Variants in CTTNBP2 observed in about 807,000 individuals in gnomAD.
The protein encoded by CTTNBP2 is cortactin-binding protein 2.
Under a neutral mutation model 156.9 loss-of-function variants are expected in CTTNBP2, and 108 were observed. The observed-to-expected ratio is 0.69, with a 90% confidence interval of 0.59 to 0.81. The LOEUF (loss-of-function observed/expected upper bound fraction) is 0.81. Ranked by LOEUF, CTTNBP2 falls within the 30% of genes least tolerant of loss-of-function variation. The pLI, the probability that CTTNBP2 is intolerant of heterozygous loss-of-function variation, is 0.00. For synonymous variants in CTTNBP2, 767 were observed against 751.8 expected, an observed-to-expected ratio of 1.02 and a Z score of -0.33; for missense variants, 1,924 against 2,035.4, an observed-to-expected ratio of 0.95 and a Z score of 1.05.
chr7:117,858,324 C>G (rs533094101), intron 2 of CTTNBP2, among the ~76,000 whole-genome samples: 1 of 152,200 alleles, frequency 6.6e-6, no homozygotes, highest in African/African-American at 2.4e-5. Flanking sequence ...GAGCCGAGAT[C>G]GCACCACTGC....
rs750152818 is a variant in CTTNBP2, at chr7:117,792,357, G to C, written c.839C>G (p.Ser280Cys). The C allele has an allele frequency of 6.8e-6, 11 of 1,614,070 alleles. No homozygotes were observed. Among genetic ancestry groups the C allele is most frequent in the African/African-American group, 5.3e-5 (4 of 74,924 alleles). The change falls in exon 4 of 23, where the codon TCT (serine) becomes TGT (cysteine). Residue 280 changes from serine (S) to cysteine (C), a missense_variant. Physicochemically the swap from Ser to Cys is moderately radical, Grantham distance 112. Coordinates refer to ENST00000160373, the MANE Select transcript of CTTNBP2 (RefSeq NM_033427.3). The surrounding 1 kb of genome is among the most constrained non-coding windows in gnomAD (Gnocchi z 4.2). The part of the protein sequence containing the change: ...KRGSDSKPSL[S>C]LPRKTKDRRL... ...CCTATCTTTTGTCTTCCGTGGAAGA[G>C]AGAGGCTTGGTTTGCTGTCACTTCC...
At chr7:117,866,936 C>T (rs1804240886) in intron 1 of CTTNBP2, among the ~76,000 whole-genome samples, 2 of 152,094 alleles carry the variant, frequency 1.3e-5, no homozygotes, top group Admixed American at 1.3e-4. Context: ...AAGATTTATG[C>T]TTTGGGGATG....
intron 2 of CTTNBP2, among the ~76,000 whole-genome samples, chr7:117,858,647 G>A (rs987582480): frequency 2.6e-5 from 4 of 152,210 alleles, no homozygotes; most frequent in East Asian, 3.8e-4. Context: ...TAGGGAGGCA[G>A]AGAAAAGATG....
At chr7:117,736,975 T>C (rs35683365) in intron 14 of CTTNBP2, among the ~76,000 whole-genome samples, 5,775 of 152,248 alleles carry the variant, frequency 0.038, 154 homozygotes, top group African/African-American at 0.053. Flanking sequence ...ACACAATGCA[T>C]TTTCATTTTC....
chr7:117,723,900 G>A (rs1180874282), intron 19 of CTTNBP2, among the ~76,000 whole-genome samples: 1 of 151,788 alleles, frequency 6.6e-6, no homozygotes, highest in African/African-American at 2.4e-5. Context: ...TTACAAGCAT[G>A]CGCCACCATG....
intron 17 of CTTNBP2, among the ~76,000 whole-genome samples, chr7:117,727,058 TA>T (rs1795131774): frequency 6.6e-6 from 1 of 152,206 alleles, no homozygotes; most frequent in Non-Finnish European, 1.5e-5. Flanking sequence ...ACTGACATAA[TA>T]ATGAAGAAAG....
At chr7:117,860,892 T>A (rs1046934141) in intron 2 of CTTNBP2, among the ~76,000 whole-genome samples, 1 of 152,178 alleles carries the variant, frequency 6.6e-6, no homozygotes, top group Admixed American at 6.5e-5. Flanking sequence ...AAATTAGCAA[T>A]TTTCTGAAAA....
In CTTNBP2 at chr7:117,756,600, A is replaced by C; in HGVS notation, c.3303T>G (p.Tyr1101Ter). Residue 1101 changes from tyrosine to a stop codon, truncating the protein, a stop_gained, in exon 12 of 23, where the codon TAT becomes TAG. Transcript: ENST00000160373. LOFTEE classifies it high-confidence loss of function. ...TCATCTGGAGAGGGATCATGGAGGC[A>C]TAAGTCACACTACTGAGACAGCCTT... ...PQEGCLSSVT[Y>*]ASMIPLQMMQ... The C allele has an allele frequency of 6.2e-7, 1 of 1,613,860 alleles. No individual in the cohort carries two copies. The highest frequency in any genetic ancestry group is 1.7e-5 in the Admixed American group (1 of 60,026).
intron 1 of CTTNBP2, among the ~76,000 whole-genome samples, chr7:117,862,436 T>C (rs1386511818): frequency 6.6e-6 from 1 of 152,206 alleles, no homozygotes; most frequent in Non-Finnish European, 1.5e-5. Context: ...TTAAATCCCA[T>C]GAATATACCA....
intron 14 of CTTNBP2, among the ~76,000 whole-genome samples, chr7:117,736,677 A>G (rs1237281839): frequency 3.3e-5 from 5 of 152,234 alleles, no homozygotes; most frequent in Non-Finnish European, 5.9e-5. Context: ...TATTATATAT[A>G]GGAAATGAAT....
chr7:117,811,216 A>G lies in CTTNBP2; in HGVS notation c.190-227T>C, dbSNP rs147212194. Among the ~76,000 whole-genome samples, 970 of 152,220 alleles carry G rather than the reference A, an allele frequency of 6.4e-3. 16 individuals are homozygous for G. Among genetic ancestry groups the G allele is most frequent in the African/African-American group, 0.022 (931 of 41,536 alleles). ...TTTCTTCAAGAATATTGAATTTTACATTACAAATGATGCAAATATAGTTAT... is the reference window on the plus strand; with the variant it reads ...TTTCTTCAAGAATATTGAATTTTACGTTACAAATGATGCAAATATAGTTAT... On this transcript the variant is annotated intron_variant, in intron 2 of 22. Transcript: ENST00000160373.
intron 8 of CTTNBP2, among the ~76,000 whole-genome samples, chr7:117,769,563 A>C (rs1295514588): frequency 1.3e-5 from 2 of 152,250 alleles, no homozygotes; most frequent in Non-Finnish European, 2.9e-5. Context: ...GAAGTCTGGA[A>C]GTCTGGCTTT....
chr7:117,810,276 T>C (rs1308584671), intron 3 of CTTNBP2, among the ~76,000 whole-genome samples: 16 of 152,182 alleles, frequency 1.1e-4, no homozygotes, highest in Non-Finnish European at 2.9e-5. Context: ...CACGCAAACA[T>C]GCATTCCATT....
intron 19 of CTTNBP2, among the ~76,000 whole-genome samples, chr7:117,722,114 G>A (rs1010500111): frequency 7.2e-5 from 11 of 152,120 alleles, no homozygotes; most frequent in East Asian, 1.9e-4. Flanking sequence ...ACTACATAGC[G>A]CACAGCCTTG....
At chr7:117,753,463 G>A (rs578134795) in intron 12 of CTTNBP2, among the ~76,000 whole-genome samples, 8 of 152,194 alleles carry the variant, frequency 5.3e-5, no homozygotes, top group African/African-American at 1.9e-4. Flanking sequence ...ACGTATGTTT[G>A]CTGCAAGACT....
chr7:117,817,362 ATAT>A (rs1262785292), intron 2 of CTTNBP2, among the ~76,000 whole-genome samples: 3 of 25,446 alleles, frequency 1.2e-4, no homozygotes, highest in East Asian at 1.4e-3. Context: ...AAAAAAAAAA[ATAT>A]ATATATATAT....
intron 10 of CTTNBP2, among the ~76,000 whole-genome samples, chr7:117,758,863 C>T (rs1039416516): frequency 6.6e-6 from 1 of 152,158 alleles, no homozygotes; most frequent in African/African-American, 2.4e-5. Context: ...ATAATCAAGC[C>T]TTAGCATGCA....
intron 19 of CTTNBP2, 45 bp from the exon 20 acceptor site, chr7:117,721,175 C>A (rs1251092064): frequency 9.0e-7 from 1 of 1,111,136 alleles, no homozygotes; most frequent in Admixed American, 1.8e-5. Context: ...TATCCCTGTG[C>A]CTCTTGAATT....
chr7:117,728,310 C>T lies in CTTNBP2; in HGVS notation c.3877-43G>A. On this transcript the variant is annotated intron_variant, in intron 16 of 22. Transcript: ENST00000160373. ...TGGAACCCAGGGGCTTGGTTTAGAA[C>T]ATTTTGTTTTTAGAAGCCCAAAATT... 4 of 1,474,010 alleles carry T rather than the reference C, an allele frequency of 2.7e-6. No homozygotes were observed. In the South Asian group the frequency reaches 5.1e-5, roughly 19 times the overall value. The allele number at this position is 1,474,010 out of a possible 1,614,324, so 91.3% of individuals were successfully genotyped here.
Sources: allele counts gnomAD v4.1 joint callset (sites outside exome capture counted in the v4.1 genomes callset), GRCh38; gene constraint gnomAD v4.1.1; non-coding constraint Gnocchi (gnomAD v3.1); transcripts MANE v1.5; gene names NCBI Gene and HGNC (gene_info 2026-07-23, HGNC 2026-07-21).